SUPT20H: variants seen among roughly 807,000 people sequenced by gnomAD.
SUPT20H encodes the protein SPT20 homolog, SAGA complex component.
Under a neutral mutation model 122.8 loss-of-function variants are expected in SUPT20H, and 82 were observed. The ratio of observed to expected loss-of-function variants is 0.67; its 90% CI spans 0.56 to 0.80. The LOEUF is 0.80. Among genes scored for constraint, SUPT20H ranks in the 30% least tolerant of loss-of-function variants. The probability of loss-of-function intolerance (pLI) is 0.00; values close to 1 mark genes in which losing one functional copy is unlikely to be tolerated. For missense variants in SUPT20H, 831 were observed against 921.6 expected, an observed-to-expected ratio of 0.90 and a Z score of 1.27; for synonymous variants, 291 against 313.0, an observed-to-expected ratio of 0.93 and a Z score of 0.74.
chr13:37,016,829 CATTT>C lies in SUPT20H; in HGVS notation c.1992+412_1992+415del, dbSNP rs1416832732. Among the ~76,000 whole-genome samples, 8 of 152,098 alleles carry C rather than the reference CATTT, an allele frequency of 5.3e-5. 1 individual carries two copies. The highest frequency in any genetic ancestry group is 2.9e-5 in the Non-Finnish European group (2 of 68,022). ...ATTTCTTTCCCTTTGGCAGTGTACACATTTGTTTTTGTCTGTGTTCCCACTGCCC... is the reference window on the plus strand; with the variant it reads ...ATTTCTTTCCCTTTGGCAGTGTACACGTTTTTGTCTGTGTTCCCACTGCCC... On this transcript the variant is annotated intron_variant, in intron 23 of 25. Coordinates refer to ENST00000350612, the MANE Select transcript of SUPT20H (RefSeq NM_001014286.3).
intron 9 of SUPT20H, chr13:37,039,138 C>G (rs2138525762): frequency 6.6e-6 from 1 of 152,248 alleles, no homozygotes; most frequent in Admixed American, 6.5e-5. Context: ...TGATTAACAG[C>G]AGAAACAATT....
chr13:37,029,147 A>T (rs1167646687), intron 13 of SUPT20H, among the ~76,000 whole-genome samples: 1 of 152,156 alleles, frequency 6.6e-6, no homozygotes, highest in Non-Finnish European at 1.5e-5. Context: ...GTTAAAAGCC[A>T]GCCTTAGAAG....
chr13:37,043,424 TG>T (rs1479131336), intron 7 of SUPT20H, among the ~76,000 whole-genome samples: 1 of 152,116 alleles, frequency 6.6e-6, no homozygotes, highest in African/African-American at 2.4e-5. Flanking sequence ...GAAGTACAGA[TG>T]TAAAGGCCAG....
chr13:37,031,424 T>C, intron 12 of SUPT20H, 143 bp downstream of exon 12: 1 of 462,082 alleles, frequency 2.2e-6, no homozygotes, highest in Non-Finnish European at 3.8e-6. Flanking sequence ...AATCATATTG[T>C]TTTTAAAAAA....
chr13:37,050,119 T>TA (rs1338931751), intron 2 of SUPT20H, among the ~76,000 whole-genome samples: 1 of 152,056 alleles, frequency 6.6e-6, no homozygotes, highest in Non-Finnish European at 1.5e-5. Context: ...CACTGTTCAA[T>TA]AAAAAACCCA....
At chr13:37,014,643 C>T (rs1205121796) in intron 23 of SUPT20H, among the ~76,000 whole-genome samples, 1 of 152,112 alleles carries the variant, frequency 6.6e-6, no homozygotes, top group Non-Finnish European at 1.5e-5. Context: ...TAAGAAAATT[C>T]TGTGGAACAA....
At chr13:37,032,621 T>C (rs1198083935) in intron 10 of SUPT20H, among the ~76,000 whole-genome samples, 1 of 152,130 alleles carries the variant, frequency 6.6e-6, no homozygotes, top group African/African-American at 2.4e-5. Context: ...ACTGTGGACA[T>C]GTCTGAGAGA....
At chr13:37,024,239 C>T in intron 18 of SUPT20H, 46 bp from the exon 19 acceptor site, 1 of 1,567,492 alleles carries the variant, frequency 6.4e-7, no homozygotes, top group Non-Finnish European at 8.6e-7. Flanking sequence ...ATTCAAACTT[C>T]TGTGAACTGT....
chr13:37,016,481 AT>A (rs1302657408), intron 23 of SUPT20H, among the ~76,000 whole-genome samples: 18 of 152,112 alleles, frequency 1.2e-4, no homozygotes, highest in Admixed American at 5.2e-4. Context: ...CTTAAAATTA[AT>A]TTTTTTAAAA....
In SUPT20H at chr13:37,012,234, T is replaced by C. The variant is rs1476652346; in HGVS notation, c.2056A>G (p.Asn686Asp). 1 of 1,613,442 alleles carries C rather than the reference T, an allele frequency of 6.2e-7. No homozygotes were observed. Among genetic ancestry groups the C allele is most frequent in the South Asian group, 1.1e-5 (1 of 91,054 alleles). ...ALSAQQAAVI[N>D]LTGVGSFMQS... ...ATAAAACTTCCTACTCCAGTAAGGT[T>C]AATAACAGCAGCTTGCTGAGCAGAT... is the stretch of plus-strand genomic sequence containing the variant. The change falls in exon 24 of 26, where the codon AAC becomes GAC. Residue 686 changes from asparagine to aspartate, a missense_variant. Coordinates refer to ENST00000350612, the MANE Select transcript of SUPT20H (RefSeq NM_001014286.3).
intron 9 of SUPT20H, among the ~76,000 whole-genome samples, chr13:37,035,338 T>C (rs1594273174): frequency 6.6e-6 from 1 of 152,134 alleles, no homozygotes; most frequent in Non-Finnish European, 1.5e-5. Flanking sequence ...TTGGGAGAAG[T>C]TGATTCCAAC....
At chr13:37,047,370 G>A (rs1240647465) in intron 5 of SUPT20H, 165 bp downstream of exon 5, 2 of 636,298 alleles carry the variant, frequency 3.1e-6, no homozygotes, top group Non-Finnish European at 2.4e-6. Flanking sequence ...TCTGCCTGGT[G>A]CCAGATTAGC....
intron 22 of SUPT20H, among the ~76,000 whole-genome samples, 193 bp downstream of exon 22, chr13:37,019,149 A>G (rs1327803592): frequency 2.6e-5 from 4 of 152,250 alleles, no homozygotes; most frequent in Non-Finnish European, 5.9e-5. Context: ...TACTGGAGCC[A>G]AAGTGTGGTA....
rs2060713973 is a variant in SUPT20H at position 37,017,483 on chromosome 13, A to T, written c.1873-119T>A. 23 of 1,090,838 alleles carry T rather than the reference A, an allele frequency of 2.1e-5. No homozygotes were observed. The South Asian group carries it at 4.0e-4, about 19-fold the overall frequency. 67.6% of individuals were successfully genotyped at this position (1,090,838 alleles called of 1,614,324 possible). ...TGTGTCACTCTTCTAGTTATTGAAGAAACAGGTAAAGAAAAAACAAGTTGG... is the reference window on the plus strand; with the variant it reads ...TGTGTCACTCTTCTAGTTATTGAAGTAACAGGTAAAGAAAAAACAAGTTGG... On this transcript the variant is annotated intron_variant, in intron 22 of 25. Coordinates refer to ENST00000350612, the MANE Select transcript of SUPT20H (RefSeq NM_001014286.3).
intron 16 of SUPT20H, 113 bp downstream of exon 16, chr13:37,026,091 G>GT: frequency 1.2e-6 from 1 of 817,210 alleles, no homozygotes; most frequent in South Asian, 1.7e-5. Flanking sequence ...TGTAAATATG[G>GT]TTAACAGCAT....
intron 1 of SUPT20H, among the ~76,000 whole-genome samples, chr13:37,056,432 G>T (rs1043788033): frequency 1.3e-5 from 2 of 152,186 alleles, no homozygotes; most frequent in African/African-American, 4.8e-5. Context: ...ATACTATGCA[G>T]CCATAAAAAA....
Position 37,045,260 on chromosome 13 carries a change from T to A in SUPT20H, c.279A>T (p.Gly93=). Residue 93 remains glycine, a synonymous_variant, in exon 6 of 26, where the codon GGA becomes GGT. Coordinates refer to ENST00000350612, the MANE Select transcript of SUPT20H (RefSeq NM_001014286.3). ...GNEGYSLMLR[G]KNGSDSETIR... Reference sequence around the variant, plus strand: ...AGAGGGTCTTACCTGATCCGTTTTTTCCCCTGAGCATCAGAGAATATCCCT... The same window carrying A: ...AGAGGGTCTTACCTGATCCGTTTTTACCCCTGAGCATCAGAGAATATCCCT... 6.2e-7 allele frequency: 1 copy of A among 1,613,656 alleles called. No homozygotes were observed. The highest frequency in any genetic ancestry group is 8.5e-7 in the Non-Finnish European group (1 of 1,179,752).
chr13:37,017,078 T>C (rs2060637665), intron 23 of SUPT20H, among the ~76,000 whole-genome samples, 167 bp downstream of exon 23: 1 of 152,232 alleles, frequency 6.6e-6, no homozygotes, highest in Non-Finnish European at 1.5e-5. Context: ...CAGTATGGTA[T>C]GACTGTTTTA....
At position 37,033,485 on chromosome 13, in the gene SUPT20H, T is replaced by C. The variant is rs1189683047; in HGVS notation, c.671A>G (p.Tyr224Cys). 31 of 1,613,136 alleles carry C rather than the reference T, an allele frequency of 1.9e-5. No homozygotes were observed. The highest frequency in any genetic ancestry group is 1.6e-4 in the East Asian group (7 of 44,826). Reference protein sequence around the residue: ...AVTCTANRLLYNKQKMNTRPM... With the variant: ...AVTCTANRLLCNKQKMNTRPM... The stretch of plus-strand genomic sequence containing the variant: ...GCGAGTGTTCATCTTTTGCTTGTTA[T>C]AGAGCAGTCTGTTTGCAGTGCAGGT... The change falls in exon 10 of 26, where the codon TAT becomes TGT. Residue 224 changes from tyrosine to cysteine, a missense_variant. By Grantham distance (194) the Tyr-to-Cys change is radical. Transcript: ENST00000350612.
Sources: gnomAD v4.1 joint callset for allele counts (sites outside exome capture counted in the v4.1 genomes callset) on GRCh38, gnomAD v4.1.1 for gene constraint, MANE v1.5 for transcripts, NCBI Gene and HGNC (gene_info 2026-07-23, HGNC 2026-07-21) for gene names.